NIBAN1: variants seen among roughly 807,000 people sequenced by gnomAD.
NIBAN1 encodes the protein niban apoptosis regulator 1.
Under a neutral mutation model 75.1 loss-of-function variants are expected in NIBAN1, and 81 were observed. The ratio of observed to expected loss-of-function variants is 1.08; its 90% CI spans 0.90 to 1.30. The LOEUF (loss-of-function observed/expected upper bound fraction) is 1.30, where lower values mean the gene tolerates loss of function less well. NIBAN1 is among the 50% of genes most tolerant of loss of function. NIBAN1 has a pLI of 0.00. For missense variants in NIBAN1, 1,133 were observed against 1,128.1 expected (o/e 1.00, Z -0.06); for synonymous variants, 436 against 424.8 (o/e 1.03, Z -0.32).
chr1:184,871,162 C>A (rs1656095772), intron 5 of NIBAN1, among the ~76,000 whole-genome samples: 1 of 151,996 alleles, frequency 6.6e-6, no homozygotes, highest in Admixed American at 6.5e-5. Flanking sequence ...GCCTGGCCAA[C>A]ATGGTGAAAC....
intron 1 of NIBAN1, among the ~76,000 whole-genome samples, chr1:184,949,915 T>C (rs1167194806): frequency 6.6e-6 from 1 of 152,126 alleles, no homozygotes; most frequent in Non-Finnish European, 1.5e-5. Context: ...CAGCCATAGG[T>C]AAGGCTCTTG....
Position 184,823,342 on chromosome 1 carries a change from AT to A in NIBAN1, c.823-14del. 6.2e-7 allele frequency: 1 copy of A among 1,613,666 alleles called. No individual in the cohort carries two copies. Among genetic ancestry groups the A allele is most frequent in the East Asian group, 2.2e-5 (1 of 44,884 alleles). On this transcript the variant is annotated splice_polypyrimidine_tract_variant and intron_variant, in intron 7 of 13. Transcript: ENST00000367511. ...CCTCCTCGAGGAGCTGCAACAAGGA[AT>A]AACACATAAATCAGGGCTCTGTCAC...
chr1:184,831,096 T>C (rs1654987826), intron 6 of NIBAN1, among the ~76,000 whole-genome samples: 1 of 152,008 alleles, frequency 6.6e-6, no homozygotes, highest in Admixed American at 6.5e-5. Flanking sequence ...ATGTGACTGG[T>C]GTCATCATGG....
intron 3 of NIBAN1, among the ~76,000 whole-genome samples, chr1:184,891,669 T>C (rs1432481768): frequency 6.6e-6 from 1 of 152,156 alleles, no homozygotes; most frequent in African/African-American, 2.4e-5. Flanking sequence ...TTCATGCCTG[T>C]CCAGCCCCAG....
At chr1:184,800,766 G>A (rs1207002039) in intron 12 of NIBAN1, among the ~76,000 whole-genome samples, 1 of 152,158 alleles carries the variant, frequency 6.6e-6, no homozygotes, top group African/African-American at 2.4e-5. Flanking sequence ...GTGGATTTAA[G>A]GGCTTGTTTA....
chr1:184,827,306 C>CA (rs1654867497), intron 6 of NIBAN1, among the ~76,000 whole-genome samples: 1 of 152,070 alleles, frequency 6.6e-6, no homozygotes, highest in East Asian at 1.9e-4. Flanking sequence ...CATCGCATCC[C>CA]AACCACCATC....
chr1:184,803,686 C>CT lies in NIBAN1; in HGVS notation c.1452_1453insA (p.Asp485ArgfsTer3). On this transcript the variant is annotated frameshift_variant, in exon 12 of 14. Transcript: ENST00000367511. LOFTEE classifies it high-confidence loss of function. Reference sequence around the variant, plus strand: ...TTTCGGATGGTGCTGCTGTCATAATCATATTGCTGTCAATAAAGAAACATA... The same window carrying CT: ...TTTCGGATGGTGCTGCTGTCATAATCTATATTGCTGTCAATAAAGAAACATA... 1 of 1,613,514 alleles carries CT rather than the reference C, an allele frequency of 6.2e-7. No individual in the cohort carries two copies. Among genetic ancestry groups the CT allele is most frequent in the Non-Finnish European group, 8.5e-7 (1 of 1,179,480 alleles).
intron 1 of NIBAN1, among the ~76,000 whole-genome samples, chr1:184,945,503 A>G (rs766305667): frequency 2.0e-5 from 3 of 152,224 alleles, no homozygotes; most frequent in Non-Finnish European, 4.4e-5. Context: ...AGAAATTAAG[A>G]CTGAAAATTA....
At chr1:184,871,765 T>C (rs1421743841) in intron 5 of NIBAN1, among the ~76,000 whole-genome samples, 1 of 152,172 alleles carries the variant, frequency 6.6e-6, no homozygotes, top group East Asian at 1.9e-4. Context: ...CAAATTAAAT[T>C]GCAGAAACCA....
chr1:184,833,039 C>T (rs1655040237), intron 5 of NIBAN1, among the ~76,000 whole-genome samples: 1 of 152,000 alleles, frequency 6.6e-6, no homozygotes, highest in South Asian at 2.1e-4. Context: ...TTCCCTGACT[C>T]TCCTCCTATA....
chr1:184,834,273 G>A (rs1655080402), intron 5 of NIBAN1, among the ~76,000 whole-genome samples: 1 of 152,142 alleles, frequency 6.6e-6, no homozygotes, highest in Non-Finnish European at 1.5e-5. Flanking sequence ...GGACATTTGG[G>A]TGGGTTCCAA....
intron 5 of NIBAN1, among the ~76,000 whole-genome samples, chr1:184,843,210 GC>G (rs1279124244): frequency 1.3e-5 from 2 of 152,210 alleles, no homozygotes; most frequent in Admixed American, 6.5e-5. Flanking sequence ...CCCTTCGGAA[GC>G]AGTCATCATT....
At chr1:184,802,204 A>G (rs1290016211) in intron 12 of NIBAN1, among the ~76,000 whole-genome samples, 1 of 152,204 alleles carries the variant, frequency 6.6e-6, no homozygotes, top group Non-Finnish European at 1.5e-5. Flanking sequence ...CTCCATTACC[A>G]AAACCTCTGG....
At chr1:184,806,308 T>G (rs572466695) in intron 10 of NIBAN1, among the ~76,000 whole-genome samples, 1 of 152,196 alleles carries the variant, frequency 6.6e-6, no homozygotes, top group Non-Finnish European at 1.5e-5. Flanking sequence ...TTCTGTCATC[T>G]CCCGTGGGCA....
At chr1:184,903,933 A>G (rs1204767744) in intron 1 of NIBAN1, among the ~76,000 whole-genome samples, 1 of 149,670 alleles carries the variant, frequency 6.7e-6, no homozygotes. Context: ...TTTCACTCTT[A>G]TCCCCCAGGC....
intron 1 of NIBAN1, among the ~76,000 whole-genome samples, chr1:184,937,588 T>C (rs1657994670): frequency 1.3e-5 from 2 of 152,356 alleles, no homozygotes; most frequent in East Asian, 3.9e-4. Flanking sequence ...AAGGTGGGGC[T>C]GATGCTTTCA....
intron 11 of NIBAN1, among the ~76,000 whole-genome samples, chr1:184,804,588 T>C (rs182531615): frequency 6.6e-6 from 1 of 152,170 alleles, no homozygotes; most frequent in Non-Finnish European, 1.5e-5. Flanking sequence ...GAACACTGAA[T>C]ATGAAGTTGA....
At chr1:184,826,598 C>T (rs1654847431) in intron 6 of NIBAN1, among the ~76,000 whole-genome samples, 2 of 152,158 alleles carry the variant, frequency 1.3e-5, no homozygotes, top group African/African-American at 4.8e-5. Context: ...TTATGAAACT[C>T]AAGGGTCATA....
chr1:184,865,713 A>T (rs1655939436), intron 5 of NIBAN1, among the ~76,000 whole-genome samples: 2 of 152,230 alleles, frequency 1.3e-5, no homozygotes, highest in African/African-American at 2.4e-5. Context: ...TTGTCTGGTC[A>T]GTCTCAGTCA....
Sources: gnomAD v4.1 joint callset for allele counts (sites outside exome capture counted in the v4.1 genomes callset) on GRCh38, gnomAD v4.1.1 for gene constraint, MANE v1.5 for transcripts, NCBI Gene and HGNC (gene_info 2026-07-23, HGNC 2026-07-21) for gene names.